The following OTUD6B variants were observed in gnomAD, a reference collection of about 807,000 sequenced individuals.
OTUD6B encodes deubiquitinase OTUD6B.
Under a neutral mutation model 36.9 loss-of-function variants are expected in OTUD6B, and 41 were observed. The ratio of observed to expected loss-of-function variants is 1.11; its 90% confidence interval spans 0.87 to 1.44. The LOEUF is 1.44. OTUD6B is among the 40% of genes most tolerant of loss of function. OTUD6B has a pLI of 0.00. For missense variants in OTUD6B, 356 were observed against 344.8 expected (o/e 1.03, Z -0.26); for synonymous variants, 114 against 114.2 (o/e 1.00, Z 0.01).
intron 4 of OTUD6B, 165 bp downstream of exon 4, chr8:91,078,833 G>A (rs984727675): frequency 2.2e-6 from 1 of 461,870 alleles, no homozygotes; most frequent in Non-Finnish European, 3.8e-6. Flanking sequence ...ATAGATGTTG[G>A]TGTATTTTTC....
Position 91,080,676 on chromosome 8 carries a change from T to C in OTUD6B, c.636T>C (p.Phe212=). ...CTGACCTAATCTCTACAGAAGAATT[T>C]CAGAAGTACTGTGAAGATATTGTAA... ...NTGDMYTPEE[F]QKYCEDIVNT... The change falls in exon 5 of 7, where the codon TTT becomes TTC. Residue 212 remains phenylalanine (F), a synonymous_variant. Transcript: ENST00000404789. The C allele has an allele frequency of 6.2e-7, 1 of 1,601,210 alleles. No individual in the cohort carries two copies. Among genetic ancestry groups the C allele is most frequent in the Non-Finnish European group, 8.5e-7 (1 of 1,173,032 alleles).
rs754015240 is a variant in OTUD6B, at chr8:91,084,761, TTTC to T, written c.798-20_798-18del. The T allele has an allele frequency of 5.7e-5, 84 of 1,469,090 alleles. No individual in the cohort carries two copies. The highest frequency in any genetic ancestry group is 7.5e-5 in the Non-Finnish European group (82 of 1,095,712). The allele number at this position is 1,469,090 out of a possible 1,614,324, so 91.0% of individuals were successfully genotyped here. A position where few individuals can be genotyped will look rare whatever the true frequency, so the allele number is the denominator to read the frequency against. Reference sequence around the variant, plus strand: ...AAATTGCTTTCATCAAAACTACTCATTTCTTTTTTTTTTTAATTTCAGATATAT... The same window carrying T: ...AAATTGCTTTCATCAAAACTACTCATTTTTTTTTTTTAATTTCAGATATAT... On this transcript the variant is annotated intron_variant, in intron 6 of 6. Transcript: ENST00000404789.
At chr8:91,073,757 G>A (rs1812747727) in intron 2 of OTUD6B, 74 bp from the exon 3 acceptor site, 3 of 1,437,314 alleles carry the variant, frequency 2.1e-6, no homozygotes, top group Non-Finnish European at 2.8e-6. Context: ...TTTGAAATGT[G>A]GGATTAGATA....
chr8:91,081,371 A>AAAACAAAC (rs142822442), intron 5 of OTUD6B, among the ~76,000 whole-genome samples: 11 of 150,124 alleles, frequency 7.3e-5, no homozygotes, highest in African/African-American at 7.3e-5. Flanking sequence ...TGTTTTGTTA[A>AAAACAAAC]AAACAAACAA....
In OTUD6B at chr8:91,071,142, A is replaced by C; in HGVS notation, c.87A>C (p.Lys29Asn). The change falls in exon 2 of 7, where the codon AAA becomes AAC. Residue 29 changes from lysine to asparagine, a missense_variant. Transcript: ENST00000404789. ...ATGATTTTAATGGCTTTTCAGCCAA[A>C]ATTCAGGGCATGAAGAATGCTGTTC... Reference protein sequence around the residue: ...HRKEKKELQAKIQGMKNAVPK... With the variant: ...HRKEKKELQANIQGMKNAVPK... 1 of 1,611,880 alleles carries C rather than the reference A, an allele frequency of 6.2e-7. No homozygotes were observed. The highest frequency in any genetic ancestry group is 2.2e-5 in the East Asian group (1 of 44,844).
intron 2 of OTUD6B, 100 bp from the exon 3 acceptor site, chr8:91,073,731 A>G (rs1372639096): frequency 6.5e-6 from 9 of 1,386,048 alleles, no homozygotes; most frequent in East Asian, 5.4e-5. Context: ...TACAGTGTCT[A>G]TTGCTGTTAC....
At chr8:91,079,051 G>C (rs1812853351) in intron 4 of OTUD6B, 2 of 155,414 alleles carry the variant, frequency 1.3e-5, no homozygotes, top group South Asian at 2.0e-4. Context: ...ACCATTTCCT[G>C]CTTTTATCTT....
chr8:91,083,653 A>G (rs957236334), intron 5 of OTUD6B, among the ~76,000 whole-genome samples: 1 of 152,178 alleles, frequency 6.6e-6, no homozygotes, highest in African/African-American at 2.4e-5. Context: ...TTTAAAATGT[A>G]TAAAATTACC....
chr8:91,072,703 A>G (rs1182269678), intron 2 of OTUD6B, among the ~76,000 whole-genome samples: 2 of 152,182 alleles, frequency 1.3e-5, no homozygotes, highest in Non-Finnish European at 2.9e-5. Flanking sequence ...TGTTGTGACA[A>G]TTGTGTTCCT....
At position 91,086,213 on chromosome 8, in the gene OTUD6B, T is replaced by C. The variant is rs1813012518; in HGVS notation, c.*1345T>C. 1 of 152,106 alleles carries C rather than the reference T, an allele frequency of 6.6e-6. No homozygotes were observed. The highest frequency in any genetic ancestry group is 2.4e-5 in the African/African-American group (1 of 41,464). The allele number at this position is 152,106 out of a possible 1,614,324, so 9.4% of individuals were successfully genotyped here. A position where few individuals can be genotyped will look rare whatever the true frequency, so the allele number is the denominator to read the frequency against. On this transcript the variant is annotated 3_prime_UTR_variant, in exon 7 of 7. Transcript: ENST00000404789. ...GTATCGTTTATAACATTTGAATTTT[T>C]GCTCCATGAGTACAACTAATTTTTA... is the stretch of plus-strand genomic sequence containing the variant.
chr8:91,080,351 G>A (rs1027228621), intron 4 of OTUD6B, among the ~76,000 whole-genome samples: 1 of 152,038 alleles, frequency 6.6e-6, no homozygotes, highest in Non-Finnish European at 1.5e-5. Context: ...TCAAGATAGT[G>A]AATATGGTGG....
rs766569521 is a variant in OTUD6B at position 91,070,445 on chromosome 8, A to G, written c.61A>G (p.Lys21Glu). The change falls in exon 1 of 7, where the codon AAA (lysine) becomes GAA (glutamate). Residue 21 changes from lysine (K) to glutamate (E), a missense_variant. Physicochemically the swap from Lys to Glu is moderately conservative, Grantham distance 56. Transcript: ENST00000404789. ...AGAGCAGCTGCTGAGAAGGCATCGC[A>G]AAGAGAAGAAGGAGTTGCAAGGTGA... Reference protein sequence around the residue: ...EEEQLLRRHRKEKKELQAKIQ... With the variant: ...EEEQLLRRHREEKKELQAKIQ... 3 of 1,578,618 alleles carry G rather than the reference A, an allele frequency of 1.9e-6. No individual in the cohort carries two copies. The highest frequency in any genetic ancestry group is 2.3e-5 in the East Asian group (1 of 43,146).
Position 91,078,282 on chromosome 8 carries a change from TTTCCC to T in OTUD6B, c.316-66_316-62del, listed in dbSNP as rs1414148012. The T allele has an allele frequency of 2.3e-5, 34 of 1,461,990 alleles. No homozygotes were observed. The East Asian group carries it at 7.2e-4, about 31-fold the overall frequency. 90.6% of individuals were successfully genotyped at this position (1,461,990 alleles called of 1,614,324 possible). A position where few individuals can be genotyped will look rare whatever the true frequency, so the allele number is the denominator to read the frequency against. The stretch of plus-strand genomic sequence containing the variant: ...ACCGGAAAGTTTTGAGACCTTTACA[TTTCCC>T]TTCCCTTAATAAATGAGAATTAGTC... On this transcript the variant is annotated intron_variant, in intron 3 of 6. Transcript: ENST00000404789.
At chr8:91,072,183 T>G (rs1210459508) in intron 2 of OTUD6B, among the ~76,000 whole-genome samples, 1 of 152,222 alleles carries the variant, frequency 6.6e-6, no homozygotes, top group Admixed American at 6.5e-5. Context: ...ATATGTATTA[T>G]CTCATTTAAC....
intron 1 of OTUD6B, among the ~76,000 whole-genome samples, chr8:91,070,732 C>A (rs1450994067): frequency 6.6e-6 from 1 of 152,024 alleles, no homozygotes; most frequent in East Asian, 1.9e-4. Context: ...TAGAAGCCGC[C>A]GTCTTGGTCC....
intron 3 of OTUD6B, chr8:91,076,760 C>T: frequency 1.3e-6 from 1 of 760,090 alleles, no homozygotes; most frequent in Non-Finnish European, 2.3e-6. Context: ...CCCTCTGAAA[C>T]TTTTTTAGTC....
At position 91,073,821 on chromosome 8, in the gene OTUD6B, T is replaced by C; in HGVS notation, c.235-10T>C. The C allele has an allele frequency of 6.4e-7, 1 of 1,565,710 alleles. No homozygotes were observed. The highest frequency in any genetic ancestry group is 8.7e-7 in the Non-Finnish European group (1 of 1,153,348). ...TACATTGACTTGTTAATGCTTTTTG[T>C]TTCCTTCAGATAGATTCTGTTGCTG... On this transcript the variant is annotated splice_polypyrimidine_tract_variant and intron_variant, in intron 2 of 6. Coordinates refer to ENST00000404789, the MANE Select transcript of OTUD6B (RefSeq NM_016023.5).
intron 3 of OTUD6B, among the ~76,000 whole-genome samples, chr8:91,074,779 C>T (rs188433343): frequency 3.8e-4 from 58 of 152,136 alleles, no homozygotes; most frequent in Non-Finnish European, 6.2e-4. Context: ...CATCTTATGA[C>T]ATAGTATGTA....
intron 3 of OTUD6B, among the ~76,000 whole-genome samples, chr8:91,074,719 A>G (rs938419014): frequency 2.0e-5 from 3 of 152,100 alleles, no homozygotes; most frequent in Non-Finnish European, 2.9e-5. Context: ...TTATTTTATT[A>G]ACACTTGATG....
Sources: allele counts gnomAD v4.1 joint callset (sites outside exome capture counted in the v4.1 genomes callset), GRCh38; gene constraint gnomAD v4.1.1; transcripts MANE v1.5; gene names NCBI Gene and HGNC (gene_info 2026-07-23, HGNC 2026-07-21).